EFCAB5: variants seen among roughly 807,000 people sequenced by gnomAD.
The protein encoded by EFCAB5 is EF-hand calcium binding domain 5, also known as EF-hand calcium-binding domain-containing protein 5.
A neutral mutation model predicts 167.9 loss-of-function variants in EFCAB5; 131 were observed. That is an observed-to-expected ratio of 0.78 (90% CI 0.68 to 0.90). The LOEUF is 0.90. Among genes scored for constraint, EFCAB5 ranks in the 40% least tolerant of loss-of-function variants. The pLI, the probability that EFCAB5 is intolerant of heterozygous loss-of-function variation, is 0.00. For missense variants in EFCAB5, 1,663 were observed against 1,745.2 expected (o/e 0.95, Z 0.84); for synonymous variants, 574 against 602.8 (o/e 0.95, Z 0.70).
chr17:29,944,588 G>A (rs1024237117), intron 3 of EFCAB5, among the ~76,000 whole-genome samples: 1 of 148,640 alleles, frequency 6.7e-6, no homozygotes, highest in Non-Finnish European at 1.5e-5. Context: ...TTGTTTTTGG[G>A]TTTTGTTGTT....
chr17:30,045,877 A>G (rs1423393167), intron 8 of EFCAB5, among the ~76,000 whole-genome samples: 1 of 151,682 alleles, frequency 6.6e-6, no homozygotes, highest in East Asian at 1.9e-4. Flanking sequence ...AAATAAATAA[A>G]TAAATAAATA....
intron 14 of EFCAB5, chr17:30,073,653 GA>G (rs1488427965): frequency 1.4e-6 from 1 of 714,020 alleles, no homozygotes; most frequent in African/African-American, 1.8e-5. Flanking sequence ...CGTAGGGAAA[GA>G]AGGAAGTTTT....
intron 7 of EFCAB5, among the ~76,000 whole-genome samples, chr17:30,004,897 A>C (rs2068744119): frequency 6.7e-6 from 1 of 149,360 alleles, no homozygotes; most frequent in Non-Finnish European, 1.5e-5. Context: ...GGCCTCCCAA[A>C]GTTGTGGGAT....
At chr17:30,019,927 T>C (rs2069134633) in intron 7 of EFCAB5, among the ~76,000 whole-genome samples, 1 of 152,184 alleles carries the variant, frequency 6.6e-6, no homozygotes, top group African/African-American at 2.4e-5. Context: ...TACAACGGGA[T>C]GTTTATATAT....
intron 3 of EFCAB5, among the ~76,000 whole-genome samples, chr17:29,953,570 C>A (rs760421302): frequency 2.6e-5 from 4 of 152,196 alleles, no homozygotes; most frequent in Non-Finnish European, 4.4e-5. Flanking sequence ...TTGCCTTCCA[C>A]CGTCATTGTG....
chr17:30,089,036 G>A (rs1345811796), intron 19 of EFCAB5, among the ~76,000 whole-genome samples: 5 of 151,936 alleles, frequency 3.3e-5, no homozygotes, highest in Non-Finnish European at 5.9e-5. Flanking sequence ...GGTGTGCTGC[G>A]CCCGTTAACT....
chr17:29,971,221 G>C (rs1402137287), intron 4 of EFCAB5, among the ~76,000 whole-genome samples: 1 of 152,098 alleles, frequency 6.6e-6, no homozygotes, highest in African/African-American at 2.4e-5. Context: ...AGACATGAAA[G>C]CTACTAATTT....
intron 10 of EFCAB5, among the ~76,000 whole-genome samples, chr17:30,055,377 G>T (rs1180206726): frequency 6.6e-6 from 1 of 151,138 alleles, no homozygotes; most frequent in East Asian, 1.9e-4. Flanking sequence ...AGGAAGGAAG[G>T]AAGGAAGGTT....
At chr17:29,941,898 G>A in intron 1 of EFCAB5, 60 bp downstream of exon 1, 1 of 1,471,238 alleles carries the variant, frequency 6.8e-7, no homozygotes, top group South Asian at 1.2e-5. Flanking sequence ...AACATTCTTG[G>A]GAAAATTGAG....
At chr17:29,954,914 C>T (rs1267558121) in intron 3 of EFCAB5, among the ~76,000 whole-genome samples, 7 of 152,186 alleles carry the variant, frequency 4.6e-5, no homozygotes, top group South Asian at 2.1e-4. Context: ...CAGAGTCAAA[C>T]GAGATCATTT....
In EFCAB5 at chr17:30,090,677, A is replaced by G; in HGVS notation, c.3937+3A>G. 3 of 1,609,336 alleles carry G rather than the reference A, an allele frequency of 1.9e-6. No homozygotes were observed. The highest frequency in any genetic ancestry group is 2.2e-5 in the East Asian group (1 of 44,854). On this transcript the variant is annotated splice_donor_region_variant and intron_variant, in intron 20 of 22. Transcript: ENST00000394835. ...GATAAAGAAAAAATATATCTTAGGT[A>G]TCGTTCATGTGGCATCAGTCTAAAT... is the stretch of plus-strand genomic sequence containing the variant.
At chr17:30,081,023 CTCTT>C in intron 17 of EFCAB5, 42 bp downstream of exon 17, 2 of 1,491,640 alleles carry the variant, frequency 1.3e-6, no homozygotes, top group South Asian at 2.3e-5. Context: ...AGGATGGCCT[CTCTT>C]TCTAATACTT....
In EFCAB5 at chr17:30,087,059, C is replaced by G. The variant is rs768626821; in HGVS notation, c.3580-4C>G. ...TCCTAATGAAATGCCTTCCTCTTTT[C>G]AAGGATTCAGACTATGTTTTACGCA... On this transcript the variant is annotated splice_polypyrimidine_tract_variant and splice_region_variant and intron_variant, in intron 18 of 22. Transcript: ENST00000394835. The G allele has an allele frequency of 6.2e-7, 1 of 1,612,828 alleles. No homozygotes were observed. Among genetic ancestry groups the G allele is most frequent in the South Asian group, 1.1e-5 (1 of 91,018 alleles).
At chr17:30,023,556 A>G (rs1233826322) in intron 7 of EFCAB5, among the ~76,000 whole-genome samples, 2 of 152,108 alleles carry the variant, frequency 1.3e-5, no homozygotes, top group African/African-American at 2.4e-5. Flanking sequence ...ACCAACCAAA[A>G]AGAGTCCAGG....
In EFCAB5 at chr17:30,059,709, A is replaced by G. The variant is rs2070374447; in HGVS notation, c.2737+8A>G. The G allele has an allele frequency of 6.3e-7, 1 of 1,585,480 alleles. No individual in the cohort carries two copies. The highest frequency in any genetic ancestry group is 1.3e-5 in the African/African-American group (1 of 74,152). Reference sequence around the variant, plus strand: ...AAGAATCTATGAAGAAAGGTAAAATATAAGAATGTTCTTATTTAAACTGTG... The same window carrying G: ...AAGAATCTATGAAGAAAGGTAAAATGTAAGAATGTTCTTATTTAAACTGTG... On this transcript the variant is annotated splice_region_variant and intron_variant, in intron 14 of 22. Coordinates refer to ENST00000394835, the MANE Select transcript of EFCAB5 (RefSeq NM_198529.4).
At chr17:30,103,859 A>G (rs949069423) in intron 22 of EFCAB5, among the ~76,000 whole-genome samples, 3 of 152,106 alleles carry the variant, frequency 2.0e-5, no homozygotes, top group African/African-American at 7.2e-5. Flanking sequence ...TACTAATAAT[A>G]CAGAAGAATT....
At chr17:30,102,402 T>G (rs1700574918) in intron 22 of EFCAB5, among the ~76,000 whole-genome samples, 1 of 152,092 alleles carries the variant, frequency 6.6e-6, no homozygotes, top group South Asian at 2.1e-4. Flanking sequence ...GCAGGGTCTG[T>G]CTCTGTCACC....
At chr17:29,946,907 G>C (rs1358554393) in intron 3 of EFCAB5, among the ~76,000 whole-genome samples, 2 of 152,118 alleles carry the variant, frequency 1.3e-5, no homozygotes, top group Non-Finnish European at 2.9e-5. Flanking sequence ...ACCAACCTAA[G>C]TGCCCACCAA....
intron 18 of EFCAB5, among the ~76,000 whole-genome samples, chr17:30,083,494 G>A (rs1461259753): frequency 1.3e-5 from 2 of 152,222 alleles, no homozygotes; most frequent in African/African-American, 4.8e-5. Context: ...CGCTCTTGTT[G>A]CCCAGGCTGG....
Sources: allele counts gnomAD v4.1 joint callset (sites outside exome capture counted in the v4.1 genomes callset), GRCh38; gene constraint gnomAD v4.1.1; transcripts MANE v1.5; gene names NCBI Gene and HGNC (gene_info 2026-07-23, HGNC 2026-07-21).